F13A1: variants seen among roughly 807,000 people sequenced by gnomAD.
F13A1 encodes the protein FSF, A subunit.
In F13A1, 47 loss-of-function variants were observed where a neutral mutation model predicts 80.1. The ratio of observed to expected loss-of-function variants is 0.59; its 90% CI spans 0.46 to 0.75. The LOEUF (loss-of-function observed/expected upper bound fraction) is 0.75. Ranked by LOEUF, F13A1 falls within the 30% of genes least tolerant of loss-of-function variation. F13A1 has a pLI of 0.00. For synonymous variants in F13A1, 349 were observed against 344.9 expected, an observed-to-expected ratio of 1.01 and a Z score of -0.13; for missense variants, 817 against 930.4, an observed-to-expected ratio of 0.88 and a Z score of 1.59.
At chr6:6,148,865 AT>A (rs1199120128) in intron 14 of F13A1, among the ~76,000 whole-genome samples, 14 of 152,222 alleles carry the variant, frequency 9.2e-5, no homozygotes, top group Admixed American at 7.2e-4. Context: ...CTATTCAGCC[AT>A]AAAAAGAATA....
intron 12 of F13A1, among the ~76,000 whole-genome samples, chr6:6,168,591 A>G (rs967516476): frequency 6.6e-6 from 1 of 152,022 alleles, no homozygotes; most frequent in African/African-American, 2.4e-5. Flanking sequence ...CAGAGAACAG[A>G]CTCTATGAAC....
At chr6:6,153,817 T>C (rs1760426245) in intron 13 of F13A1, among the ~76,000 whole-genome samples, 1 of 152,160 alleles carries the variant, frequency 6.6e-6, no homozygotes, top group African/African-American at 2.4e-5. Flanking sequence ...TATTCTCACA[T>C]AAGCCTCACA....
chr6:6,239,224 G>A (rs1757453949), intron 6 of F13A1, among the ~76,000 whole-genome samples: 10 of 152,156 alleles, frequency 6.6e-5, no homozygotes, highest in Admixed American at 6.6e-4. Flanking sequence ...AGAGAAGCCA[G>A]CCCTATTTCT....
chr6:6,165,255 T>C (rs1760646730), intron 13 of F13A1, among the ~76,000 whole-genome samples: 2 of 152,208 alleles, frequency 1.3e-5, no homozygotes, highest in African/African-American at 4.8e-5. Flanking sequence ...TTTAAAGTAC[T>C]CTCTACATGC....
chr6:6,196,783 A>G (rs959853547), intron 9 of F13A1, among the ~76,000 whole-genome samples: 1 of 152,244 alleles, frequency 6.6e-6, no homozygotes, highest in African/African-American at 2.4e-5. Flanking sequence ...AGGAAATCAC[A>G]TGACATAAAA....
At position 6,224,752 on chromosome 6, in the gene F13A1, A is replaced by G. The variant is rs201512428; in HGVS notation, c.907T>C (p.Tyr303His). ...CGGACTGGATTCTCAGAGCTCCGGT[A>G]TTCCAATAGAATGTCAACGCTTCCA... ...WTGSVDILLE[Y>H]RSSENPVRYG... is the part of the protein sequence containing the mutation. Residue 303 changes from tyrosine (Y) to histidine (H), a missense_variant, in exon 7 of 15, where the codon TAC becomes CAC. Tyr to His is a moderately conservative substitution (Grantham distance 83, BLOSUM62 2). Transcript: ENST00000264870. 9.3e-6 allele frequency: 15 copies of G among 1,614,068 alleles called. No individual in the cohort carries two copies. The highest frequency in any genetic ancestry group is 1.3e-5 in the African/African-American group (1 of 74,938).
intron 2 of F13A1, among the ~76,000 whole-genome samples, chr6:6,317,231 A>G (rs941350629): frequency 1.3e-5 from 2 of 152,196 alleles, no homozygotes; most frequent in African/African-American, 4.8e-5. Context: ...GTAAGCAGTG[A>G]ATATCAACTG....
At chr6:6,208,653 TTTTTTC>T (rs1294225651) in intron 8 of F13A1, among the ~76,000 whole-genome samples, 1 of 152,148 alleles carries the variant, frequency 6.6e-6, no homozygotes, top group Non-Finnish European at 1.5e-5. Flanking sequence ...CTTTTTTACT[TTTTTTC>T]TTTTTCAAAT....
chr6:6,305,794 T>C (rs1416801761), intron 2 of F13A1: 1 of 491,166 alleles, frequency 2.0e-6, no homozygotes, highest in East Asian at 4.0e-5. Flanking sequence ...CACTGTGGGA[T>C]AGATGGATGC....
rs780962981 is a variant in F13A1, at chr6:6,305,531, T to G, written c.139A>C (p.Asn47His). The change falls in exon 3 of 15, where the codon AAT (asparagine) becomes CAT (histidine). Residue 47 changes from asparagine (N) to histidine (H), a missense_variant. By Grantham distance (68) the Asn-to-His change is moderately conservative. Transcript: ENST00000264870. ...PRGVNLQEFL[N>H]VTSVHLFKER... is the part of the protein sequence containing the mutation. ...TTGAACAGGTGAACGCTCGTGACAT[T>G]AAGAAACTCTATGAACAAGAAAAAC... 2 of 1,614,172 alleles carry G rather than the reference T, an allele frequency of 1.2e-6. No individual in the cohort carries two copies. The highest frequency in any genetic ancestry group is 2.2e-5 in the South Asian group (2 of 91,080).
intron 8 of F13A1, among the ~76,000 whole-genome samples, chr6:6,217,596 T>C (rs1381217756): frequency 1.3e-5 from 2 of 151,826 alleles, no homozygotes; most frequent in African/African-American, 2.4e-5. Flanking sequence ...AGTTAGTGGG[T>C]GCAGCGCACC....
intron 13 of F13A1, among the ~76,000 whole-genome samples, chr6:6,160,252 G>A (rs1760549738): frequency 6.7e-6 from 1 of 148,356 alleles, no homozygotes; most frequent in Admixed American, 6.7e-5. Flanking sequence ...ACTCTAGCCT[G>A]GGGGACAGAG....
At chr6:6,286,660 C>T (rs1463625319) in intron 3 of F13A1, among the ~76,000 whole-genome samples, 2 of 152,112 alleles carry the variant, frequency 1.3e-5, no homozygotes, top group Admixed American at 6.5e-5. Context: ...AACACCTAGA[C>T]GTGCATCCAC....
chr6:6,183,966 T>A (rs1410431343), intron 10 of F13A1, among the ~76,000 whole-genome samples: 1 of 152,202 alleles, frequency 6.6e-6, no homozygotes, highest in Non-Finnish European at 1.5e-5. Context: ...ATAATAGTCA[T>A]CATTAGGTAA....
chr6:6,186,353 A>T (rs894793247), intron 10 of F13A1, among the ~76,000 whole-genome samples: 10 of 152,142 alleles, frequency 6.6e-5, no homozygotes, highest in African/African-American at 1.7e-4. Flanking sequence ...TTTATGGTAT[A>T]AGGTCTAACG....
At chr6:6,164,128 C>A (rs774924336) in intron 13 of F13A1, among the ~76,000 whole-genome samples, 9 of 151,812 alleles carry the variant, frequency 5.9e-5, no homozygotes, top group African/African-American at 9.7e-5. Flanking sequence ...AAAAACCAAA[C>A]AACCCCATTA....
In F13A1 at chr6:6,314,598, C is replaced by T. The variant is rs3024340; in HGVS notation, c.130+3937G>A. On this transcript the variant is annotated intron_variant, in intron 2 of 14. Transcript: ENST00000264870. ...CATCCTCTTCCCCACTCCACCACAC[C>T]GCTAGACATTGATTTCTGTTATTTC... Among the ~76,000 whole-genome samples the T allele has an allele frequency of 7.0e-3, 1,064 of 152,322 alleles. 9 individuals carry two copies. The highest frequency in any genetic ancestry group is 0.024 in the African/African-American group (1,012 of 41,560).
chr6:6,249,079 A>G (rs932747684), intron 5 of F13A1, among the ~76,000 whole-genome samples: 1 of 152,212 alleles, frequency 6.6e-6, no homozygotes, highest in Non-Finnish European at 1.5e-5. Flanking sequence ...CAATACCAGA[A>G]TTTTCTTAAA....
At chr6:6,299,444 A>G (rs1758385913) in intron 3 of F13A1, among the ~76,000 whole-genome samples, 2 of 131,244 alleles carry the variant, frequency 1.5e-5, no homozygotes, top group Non-Finnish European at 3.0e-5. Flanking sequence ...GGCTTTGCTC[A>G]TTTCTTTTTA....
Sources: gnomAD v4.1 joint callset for allele counts (sites outside exome capture counted in the v4.1 genomes callset) on GRCh38, gnomAD v4.1.1 for gene constraint, MANE v1.5 for transcripts, NCBI Gene and HGNC (gene_info 2026-07-23, HGNC 2026-07-21) for gene names.